Variants in HTR1F observed in about 807,000 individuals in gnomAD.
HTR1F encodes 5-hydroxytryptamine (serotonin) receptor 1F, G protein-coupled.
In HTR1F, 17 loss-of-function variants were observed where a neutral mutation model predicts 24.0. That is an observed-to-expected ratio of 0.71 (90% CI 0.48 to 1.06). The LOEUF is 1.06. HTR1F is among the 50% of genes least tolerant of loss of function. The pLI, the probability that HTR1F is intolerant of heterozygous loss-of-function variation, is 0.00. For synonymous variants in HTR1F, 186 were observed against 156.8 expected, an observed-to-expected ratio of 1.19 and a Z score of -1.39; for missense variants, 391 against 427.8, an observed-to-expected ratio of 0.91 and a Z score of 0.76.
intron 2 of HTR1F, among the ~76,000 whole-genome samples, chr3:87,923,327 C>T (rs567115987): frequency 1.3e-4 from 20 of 151,912 alleles, no homozygotes; most frequent in Non-Finnish European, 2.4e-4. Flanking sequence ...AGAGGGATCA[C>T]ATTGAATCTG....
At chr3:87,841,929 A>G (rs1559601592) in intron 2 of HTR1F, among the ~76,000 whole-genome samples, 1 of 150,870 alleles carries the variant, frequency 6.6e-6, no homozygotes, top group Admixed American at 6.6e-5. Flanking sequence ...AAAAGAAAAA[A>G]AAAAAAAAAC....
intron 1 of HTR1F, among the ~76,000 whole-genome samples, chr3:87,797,314 A>G (rs533671367): frequency 1.3e-5 from 2 of 152,202 alleles, no homozygotes; most frequent in Non-Finnish European, 2.9e-5. Flanking sequence ...GAACTACTGT[A>G]TGTACATTCA....
chr3:87,801,905 T>C (rs912751711), intron 1 of HTR1F, among the ~76,000 whole-genome samples: 7 of 152,228 alleles, frequency 4.6e-5, no homozygotes, highest in African/African-American at 7.2e-5. Flanking sequence ...TTTATAATTA[T>C]GTTTTGATCC....
intron 2 of HTR1F, among the ~76,000 whole-genome samples, chr3:87,895,522 A>G (rs1706179511): frequency 6.6e-6 from 1 of 152,140 alleles, no homozygotes; most frequent in Non-Finnish European, 1.5e-5. Flanking sequence ...ATTATACTTA[A>G]TTATCTTTCT....
At chr3:87,816,919 A>G (rs867001468) in intron 1 of HTR1F, among the ~76,000 whole-genome samples, 17 of 152,264 alleles carry the variant, frequency 1.1e-4, no homozygotes, top group African/African-American at 4.1e-4. Context: ...AAAAATTGAT[A>G]TAGTAATTAT....
chr3:87,988,503 T>C (rs1409167840), intron 2 of HTR1F, among the ~76,000 whole-genome samples: 5 of 152,182 alleles, frequency 3.3e-5, no homozygotes, highest in African/African-American at 9.6e-5. Context: ...TACTAAAAAT[T>C]AAATTTAGTA....
chr3:87,913,882 T>C (rs1703833908), intron 2 of HTR1F, among the ~76,000 whole-genome samples: 1 of 152,050 alleles, frequency 6.6e-6, no homozygotes, highest in Non-Finnish European at 1.5e-5. Flanking sequence ...CAGGACTAGA[T>C]TGCAGCTCTG....
chr3:87,918,932 A>T lies in HTR1F; in HGVS notation c.-42-71776A>T, dbSNP rs117494960. Among the ~76,000 whole-genome samples the T allele has an allele frequency of 2.6e-5, 4 of 152,274 alleles. No homozygotes were observed. The East Asian group carries it at 7.7e-4, about 29-fold the overall frequency. On this transcript the variant is annotated intron_variant, in intron 2 of 2. Transcript: ENST00000319595. The stretch of plus-strand genomic sequence containing the variant: ...CGCATAGCCAAAGGAAGACTAAGCA[A>T]AAAGTACAAATCTGGAGGCATCACA...
At chr3:87,926,523 G>A (rs1229629171) in intron 2 of HTR1F, among the ~76,000 whole-genome samples, 1 of 151,960 alleles carries the variant, frequency 6.6e-6, no homozygotes, top group South Asian at 2.1e-4. Flanking sequence ...ATTAATCTTT[G>A]TATTTTAGAC....
chr3:87,962,546 T>A (rs1172184181), intron 2 of HTR1F, among the ~76,000 whole-genome samples: 3 of 152,060 alleles, frequency 2.0e-5, no homozygotes, highest in Non-Finnish European at 4.4e-5. Flanking sequence ...AAAAAGGAAG[T>A]TAAATGTATG....
chr3:87,880,464 A>G (rs1417835570), intron 2 of HTR1F, among the ~76,000 whole-genome samples: 1 of 152,242 alleles, frequency 6.6e-6, no homozygotes, highest in African/African-American at 2.4e-5. Context: ...CTTAGGATAC[A>G]TAGTGAGTAT....
intron 2 of HTR1F, among the ~76,000 whole-genome samples, chr3:87,918,383 G>C (rs1235718877): frequency 6.6e-6 from 1 of 151,982 alleles, no homozygotes; most frequent in Non-Finnish European, 1.5e-5. Flanking sequence ...AATCAGACAA[G>C]AGAAAGGAAT....
chr3:87,915,534 T>C (rs530761598), intron 2 of HTR1F, among the ~76,000 whole-genome samples: 6 of 152,126 alleles, frequency 3.9e-5, no homozygotes, highest in Admixed American at 3.3e-4. Context: ...CAGGAAACAT[T>C]GGACACACTT....
chr3:87,913,544 T>C (rs540977581), intron 2 of HTR1F, among the ~76,000 whole-genome samples: 30 of 152,174 alleles, frequency 2.0e-4, no homozygotes, highest in Non-Finnish European at 4.0e-4. Flanking sequence ...GACCTAAAAA[T>C]AGAAATACCA....
chr3:87,906,409 A>G (rs1703668384), intron 2 of HTR1F, among the ~76,000 whole-genome samples: 1 of 152,124 alleles, frequency 6.6e-6, no homozygotes, highest in South Asian at 2.1e-4. Context: ...AAAGAAAGAG[A>G]ATAATTTTTA....
intron 2 of HTR1F, among the ~76,000 whole-genome samples, chr3:87,848,056 T>C (rs535696565): frequency 2.2e-4 from 33 of 152,098 alleles, no homozygotes; most frequent in African/African-American, 7.3e-4. Context: ...CTGGACTGTA[T>C]AGTAGGCCTC....
At chr3:87,900,956 T>C (rs1706307591) in intron 2 of HTR1F, among the ~76,000 whole-genome samples, 1 of 152,118 alleles carries the variant, frequency 6.6e-6, no homozygotes, top group Non-Finnish European at 1.5e-5. Context: ...CATGAGGATA[T>C]ATACATACAT....
At chr3:87,979,272 C>T (rs1705490073) in intron 2 of HTR1F, among the ~76,000 whole-genome samples, 1 of 151,998 alleles carries the variant, frequency 6.6e-6, no homozygotes, top group South Asian at 2.1e-4. Context: ...GCCCCAGGAC[C>T]TCCTTCCAAT....
intron 2 of HTR1F, among the ~76,000 whole-genome samples, chr3:87,869,436 C>G (rs58581200): frequency 0.34 from 37,783 of 112,162 alleles, 6,465 homozygotes; most frequent in African/African-American, 0.52. Context: ...TAGATAGATA[C>G]ATAGATAGAT....
Sources: allele counts gnomAD v4.1 joint callset (sites outside exome capture counted in the v4.1 genomes callset), GRCh38; gene constraint gnomAD v4.1.1; transcripts MANE v1.5; gene names NCBI Gene and HGNC (gene_info 2026-07-23, HGNC 2026-07-21).